The following ARK2N variants were observed in gnomAD, a reference collection of about 807,000 sequenced individuals.
ARK2N encodes the protein protein ARK2N.
At chr18:46,253,882 A>T in the ARK2N span, 1 of 1,507,072 alleles carries the variant, frequency 6.6e-7, no homozygotes, top group African/African-American at 1.4e-5. Context: ...TTTAACCAGA[A>T]AACAAGTTAA....
the ARK2N span, among the ~76,000 whole-genome samples, chr18:46,189,884 C>A: frequency 1.3e-5 from 2 of 152,038 alleles, no homozygotes; most frequent in Non-Finnish European, 2.9e-5. Flanking sequence ...AAAAAGAAAA[C>A]CTTATCTTTT....
At chr18:46,216,574 A>C in the ARK2N span, 28 of 1,613,360 alleles carry the variant, frequency 1.7e-5, no homozygotes, top group Non-Finnish European at 6.8e-6. This position sits in a 1 kb window ranked among gnomAD's most constrained non-coding sequence, Gnocchi z 4.3. Context: ...GAGCAGCAAG[A>C]CAATCACTGC....
At chr18:46,177,139 G>C in the ARK2N span, among the ~76,000 whole-genome samples, 2 of 152,238 alleles carry the variant, frequency 1.3e-5, no homozygotes, top group South Asian at 4.1e-4. Context: ...ACCAAATAAA[G>C]TTTCTTGGGT....
At chr18:46,185,713 G>C in the ARK2N span, among the ~76,000 whole-genome samples, 4 of 152,148 alleles carry the variant, frequency 2.6e-5, no homozygotes, top group African/African-American at 7.2e-5. Context: ...AAGGCCGGGC[G>C]TGGTGGCTCA....
At chr18:46,229,113 T>G in the ARK2N span, among the ~76,000 whole-genome samples, 1 of 152,186 alleles carries the variant, frequency 6.6e-6, no homozygotes, top group East Asian at 1.9e-4. Context: ...GAGTTTAACT[T>G]TAGGAGTAAT....
chr18:46,193,856 C>A, the ARK2N span, among the ~76,000 whole-genome samples: 2 of 152,050 alleles, frequency 1.3e-5, no homozygotes, highest in Non-Finnish European at 2.9e-5. Flanking sequence ...ACCTTGGCCT[C>A]CCAAAGTGCT....
the ARK2N span, among the ~76,000 whole-genome samples, chr18:46,219,702 C>T: frequency 3.3e-5 from 5 of 152,090 alleles, no homozygotes; most frequent in Non-Finnish European, 7.4e-5. Context: ...GATCTCCTGA[C>T]CTTGTGATCC....
At chr18:46,179,804 T>C in the ARK2N span, among the ~76,000 whole-genome samples, 3 of 152,100 alleles carry the variant, frequency 2.0e-5, no homozygotes, top group Non-Finnish European at 4.4e-5. Context: ...TTTGTATTTC[T>C]AGTAGAGAAG....
chr18:46,244,973 G>A, the ARK2N span, among the ~76,000 whole-genome samples: 7 of 151,904 alleles, frequency 4.6e-5, no homozygotes, highest in South Asian at 1.2e-3. Flanking sequence ...CAGCTCTGTC[G>A]CTCAGGCTGG....
At chr18:46,258,834 G>A in the ARK2N span, among the ~76,000 whole-genome samples, 2 of 151,836 alleles carry the variant, frequency 1.3e-5, no homozygotes, top group African/African-American at 2.4e-5. Flanking sequence ...ACAAAATTTC[G>A]AGCCTCTTGC....
chr18:46,229,043 A>C, the ARK2N span: 2 of 373,586 alleles, frequency 5.4e-6, no homozygotes, highest in African/African-American at 4.2e-5. Flanking sequence ...AATTCTTAGA[A>C]CCTATACCAA....
chr18:46,216,080 C>G, the ARK2N span: 1 of 1,614,130 alleles, frequency 6.2e-7, no homozygotes, highest in Non-Finnish European at 8.5e-7. This position sits in a 1 kb window ranked among gnomAD's most constrained non-coding sequence, Gnocchi z 4.3. Flanking sequence ...AGGGACTCTT[C>G]TGAGTCTCAG....
At chr18:46,192,236 T>G in the ARK2N span, among the ~76,000 whole-genome samples, 1 of 152,070 alleles carries the variant, frequency 6.6e-6, no homozygotes, top group Non-Finnish European at 1.5e-5. Flanking sequence ...TATTATAGGA[T>G]GTAGTGGTAG....
the ARK2N span, among the ~76,000 whole-genome samples, chr18:46,186,083 T>G: frequency 2.0e-5 from 3 of 152,136 alleles, no homozygotes; most frequent in Non-Finnish European, 4.4e-5. Context: ...AGTGTTTAGG[T>G]ATAGAATAGG....
the ARK2N span, among the ~76,000 whole-genome samples, chr18:46,210,629 G>A: frequency 2.6e-5 from 4 of 152,162 alleles, 1 homozygote; most frequent in South Asian, 4.2e-4. Flanking sequence ...CTCACTTTGG[G>A]CCAGGTATTG....
chr18:46,196,285 G>A, the ARK2N span, among the ~76,000 whole-genome samples: 7 of 150,824 alleles, frequency 4.6e-5, no homozygotes, highest in Non-Finnish European at 7.4e-5. Context: ...CGGCCAAGAC[G>A]GAGTCTCGCT....
chr18:46,207,994 G>A, the ARK2N span, among the ~76,000 whole-genome samples: 102 of 152,130 alleles, frequency 6.7e-4, no homozygotes, highest in African/African-American at 2.4e-3. Context: ...TCTACTTGTT[G>A]GGCAAAACTA....
At chr18:46,181,528 C>T in the ARK2N span, among the ~76,000 whole-genome samples, 2 of 151,914 alleles carry the variant, frequency 1.3e-5, no homozygotes, top group Non-Finnish European at 2.9e-5. Flanking sequence ...TCCTGGCTAA[C>T]GTGGTGAAAC....
At chr18:46,175,912 C>T in the ARK2N span, among the ~76,000 whole-genome samples, 1 of 152,162 alleles carries the variant, frequency 6.6e-6, no homozygotes, top group African/African-American at 2.4e-5. Flanking sequence ...AATAAGTTCA[C>T]CGTGTAGTTG....
Sources: allele counts gnomAD v4.1 joint callset (sites outside exome capture counted in the v4.1 genomes callset), GRCh38; gene constraint gnomAD v4.1.1; non-coding constraint Gnocchi (gnomAD v3.1); transcripts MANE v1.5; gene names NCBI Gene and HGNC (gene_info 2026-07-23, HGNC 2026-07-21).